GUCY1A2: variants seen among roughly 807,000 people sequenced by gnomAD.
GUCY1A2 encodes guanylate cyclase 1 soluble subunit alpha 2.
GUCY1A2 carries 27 observed loss-of-function variants against 63.5 expected under a neutral mutation model. That is an observed-to-expected ratio of 0.43 (90% CI 0.31 to 0.59). The LOEUF (loss-of-function observed/expected upper bound fraction) is 0.59. Among genes scored for constraint, GUCY1A2 ranks in the 20% least tolerant of loss-of-function variants. The pLI, the probability that GUCY1A2 is intolerant of heterozygous loss-of-function variation, is 0.11. For synonymous variants in GUCY1A2, 364 were observed against 343.5 expected (o/e 1.06, Z -0.66); for missense variants, 768 against 913.3 (o/e 0.84, Z 2.05).
At chr11:106,743,442 C>T (rs1347597114) in intron 6 of GUCY1A2, among the ~76,000 whole-genome samples, 2 of 152,176 alleles carry the variant, frequency 1.3e-5, no homozygotes, top group African/African-American at 4.8e-5. Context: ...TTTGCAGTCA[C>T]AGGCAATTAC....
At chr11:106,933,830 T>C (rs1481429987) in intron 4 of GUCY1A2, among the ~76,000 whole-genome samples, 1 of 152,120 alleles carries the variant, frequency 6.6e-6, no homozygotes, top group Non-Finnish European at 1.5e-5. Context: ...GAGGCCACCA[T>C]TCTAAGCAAA....
intron 4 of GUCY1A2, among the ~76,000 whole-genome samples, chr11:106,893,045 G>C (rs914659376): frequency 6.6e-5 from 10 of 152,268 alleles, no homozygotes; most frequent in African/African-American, 2.2e-4. Context: ...TGCAAGGAAA[G>C]ATGTTCACAT....
At chr11:106,801,293 T>C (rs1429858247) in intron 5 of GUCY1A2, among the ~76,000 whole-genome samples, 3 of 152,156 alleles carry the variant, frequency 2.0e-5, no homozygotes, top group South Asian at 2.1e-4. Context: ...CTTTGGCTCA[T>C]AGTTCTTTTC....
In GUCY1A2 at chr11:106,731,349, A is replaced by G. The variant is rs201669570; in HGVS notation, c.1837-22683T>C. On this transcript the variant is annotated intron_variant, in intron 6 of 7. Transcript: ENST00000526355. ...TAAAATTCAACATCCTTTCATGTTA[A>G]AAACCTCAACAAGCTAGGCATTGAA... 5.9e-5 allele frequency among the ~76,000 whole-genome samples: 9 copies of G among 152,342 alleles called. No homozygotes were observed. In the East Asian group the frequency reaches 1.3e-3, roughly 23 times the overall value.
At chr11:106,904,263 C>T (rs572677566) in intron 4 of GUCY1A2, among the ~76,000 whole-genome samples, 72 of 152,248 alleles carry the variant, frequency 4.7e-4, no homozygotes, top group Non-Finnish European at 8.7e-4. Context: ...GCCTGTATCT[C>T]ATCCAAAATG....
intron 6 of GUCY1A2, chr11:106,746,768 G>A (rs1863795309): frequency 1.9e-6 from 1 of 536,710 alleles, no homozygotes; most frequent in Non-Finnish European, 3.4e-6. Context: ...ATGTCACTGA[G>A]GTTGACATTG....
chr11:106,716,062 G>A (rs1289618526), intron 6 of GUCY1A2, among the ~76,000 whole-genome samples: 1 of 152,182 alleles, frequency 6.6e-6, no homozygotes, highest in African/African-American at 2.4e-5. Context: ...GTAGTCAGAG[G>A]GGTGGGAGGA....
At chr11:106,949,983 A>G (rs1591339697) in intron 3 of GUCY1A2, among the ~76,000 whole-genome samples, 1 of 152,228 alleles carries the variant, frequency 6.6e-6, no homozygotes, top group African/African-American at 2.4e-5. Flanking sequence ...AGAAATTCAT[A>G]TGTGTGCATA....
chr11:106,681,896 T>C lies in GUCY1A2; in HGVS notation c.*5653A>G, dbSNP rs1018836510. The C allele has an allele frequency of 2.3e-5, 5 of 213,736 alleles. No individual in the cohort carries two copies. In the South Asian group the frequency reaches 9.4e-4, roughly 40 times the overall value. 13.2% of individuals were successfully genotyped at this position (213,736 alleles called of 1,614,324 possible). ...ATGAAAAGTACATAGTGAGACTAAG[T>C]ATTAAGTTGATGTCTTTTCATGACA... is the stretch of plus-strand genomic sequence containing the variant. On this transcript the variant is annotated 3_prime_UTR_variant, in exon 8 of 8. Transcript: ENST00000526355.
intron 3 of GUCY1A2, among the ~76,000 whole-genome samples, chr11:106,962,755 G>C (rs1310432050): frequency 6.7e-6 from 1 of 148,796 alleles, no homozygotes; most frequent in African/African-American, 2.5e-5. Flanking sequence ...AACAATTAAA[G>C]TTTTAAGGAA....
chr11:106,753,985 G>C (rs888433196), intron 6 of GUCY1A2, among the ~76,000 whole-genome samples: 2 of 152,192 alleles, frequency 1.3e-5, no homozygotes. Flanking sequence ...TCCTATCCAT[G>C]AGCATGGAAT....
At chr11:106,983,112 T>C (rs1159416934) in intron 2 of GUCY1A2, among the ~76,000 whole-genome samples, 7 of 152,186 alleles carry the variant, frequency 4.6e-5, no homozygotes, top group Admixed American at 6.5e-5. Context: ...GGTGGCATGA[T>C]GTAATTTTTT....
At chr11:106,797,321 T>A (rs997581744) in intron 5 of GUCY1A2, among the ~76,000 whole-genome samples, 2 of 152,122 alleles carry the variant, frequency 1.3e-5, no homozygotes, top group African/African-American at 4.8e-5. Context: ...GGAGAGGAGC[T>A]GCGTTCCTTT....
chr11:106,674,706 G>C lies in GUCY1A2; in HGVS notation c.*12843C>G, dbSNP rs2135322240. The C allele has an allele frequency of 1.0e-5, 2 of 196,716 alleles. No homozygotes were observed. The highest frequency in any genetic ancestry group is 3.8e-4 in the South Asian group (2 of 5,196). 12.2% of individuals were successfully genotyped at this position (196,716 alleles called of 1,614,324 possible). A position where few individuals can be genotyped will look rare whatever the true frequency, so the allele number is the denominator to read the frequency against. On this transcript the variant is annotated 3_prime_UTR_variant, in exon 8 of 8. Coordinates refer to ENST00000526355, the MANE Select transcript of GUCY1A2 (RefSeq NM_000855.3). Reference sequence around the variant, plus strand: ...ATTTTTAAAAGATATTATTCACAAAGTAAATCTAATAACAAAGGAGCAGAT... The same window carrying C: ...ATTTTTAAAAGATATTATTCACAAACTAAATCTAATAACAAAGGAGCAGAT...
intron 6 of GUCY1A2, among the ~76,000 whole-genome samples, chr11:106,713,123 A>G (rs1565266442): frequency 6.6e-6 from 1 of 152,152 alleles, no homozygotes; most frequent in Non-Finnish European, 1.5e-5. Flanking sequence ...ATGCCTCTCA[A>G]GGCATTTAGC....
At chr11:106,688,376 CTT>C (rs1475560990) in intron 7 of GUCY1A2, among the ~76,000 whole-genome samples, 2 of 152,136 alleles carry the variant, frequency 1.3e-5, no homozygotes, top group Non-Finnish European at 2.9e-5. Context: ...CATAAAGACT[CTT>C]TTTCAAAACA....
intron 4 of GUCY1A2, among the ~76,000 whole-genome samples, chr11:106,862,789 T>TA (rs1437817520): frequency 1.3e-5 from 2 of 152,096 alleles, no homozygotes; most frequent in African/African-American, 4.8e-5. Flanking sequence ...GACTCTGTTC[T>TA]AACAGATCCC....
rs567238950 is a variant in GUCY1A2, at chr11:106,752,839, T to C, written c.1836+23600A>G. On this transcript the variant is annotated intron_variant, in intron 6 of 7. Transcript: ENST00000526355. ...AAACATACGTGTGCATATGTCTTTA[T>C]AGTAGCATGATTTATAATCCTTTGG... 5.9e-5 allele frequency among the ~76,000 whole-genome samples: 9 copies of C among 152,330 alleles called. No homozygotes were observed. In the South Asian group the frequency reaches 1.4e-3, roughly 25 times the overall value.
intron 4 of GUCY1A2, among the ~76,000 whole-genome samples, chr11:106,880,160 G>A (rs1223167690): frequency 3.9e-5 from 6 of 152,104 alleles, no homozygotes; most frequent in African/African-American, 1.4e-4. Flanking sequence ...CCCTCAGAAT[G>A]ACACCATGGC....
Sources: gnomAD v4.1 joint callset for allele counts (sites outside exome capture counted in the v4.1 genomes callset) on GRCh38, gnomAD v4.1.1 for gene constraint, MANE v1.5 for transcripts, NCBI Gene and HGNC (gene_info 2026-07-23, HGNC 2026-07-21) for gene names.